The following EPRS1 variants were observed in gnomAD, a reference collection of about 807,000 sequenced individuals.
The protein encoded by EPRS1 is bifunctional glutamate/proline--tRNA ligase.
Under a neutral mutation model 188.3 loss-of-function variants are expected in EPRS1, and 107 were observed. The ratio of observed to expected loss-of-function variants is 0.57; its 90% CI spans 0.49 to 0.67. EPRS1 has a LOEUF of 0.67. Ranked by LOEUF, EPRS1 falls within the 30% of genes least tolerant of loss-of-function variation. The pLI is 0.00. For synonymous variants in EPRS1, 596 were observed against 593.1 expected, an observed-to-expected ratio of 1.00 and a Z score of -0.07; for missense variants, 1,577 against 1,802.2, an observed-to-expected ratio of 0.88 and a Z score of 2.26.
chr1:220,013,077 A>G (rs565692852), intron 12 of EPRS1, among the ~76,000 whole-genome samples: 7 of 152,228 alleles, frequency 4.6e-5, no homozygotes, highest in Admixed American at 2.6e-4. Flanking sequence ...AAAGCAGTCA[A>G]TAAGGGTTCA....
rs1488216709 is a variant in EPRS1 at position 220,030,451 on chromosome 1, T to C, written c.558A>G (p.Lys186=). The change falls in exon 6 of 32, where the codon AAA becomes AAG. Residue 186 remains lysine, a synonymous_variant. Coordinates refer to ENST00000366923, the MANE Select transcript of EPRS1 (RefSeq NM_004446.3). Reference sequence around the variant, plus strand: ...TCTCCGCACCTGGAAGCTCAACAAATTTCCCAACATCTTGCTTTTTCTCAG... The same window carrying C: ...TCTCCGCACCTGGAAGCTCAACAAACTTCCCAACATCTTGCTTTTTCTCAG... ...VAPEKKQDVG[K]FVELPGAEMG... is the part of the protein sequence containing the mutation. 11 of 1,614,090 alleles carry C rather than the reference T, an allele frequency of 6.8e-6. No individual in the cohort carries two copies. The highest frequency in any genetic ancestry group is 9.3e-6 in the Non-Finnish European group (11 of 1,179,986).
chr1:219,977,315 T>C lies in EPRS1; in HGVS notation c.4083+1231A>G, dbSNP rs1408689265. The stretch of plus-strand genomic sequence containing the variant: ...CTGAGGAATACAGACAACGAAGCTG[T>C]AGAAGACCCAACTCATACTAAGAAT... On this transcript the variant is annotated intron_variant, in intron 28 of 31. Coordinates refer to ENST00000366923, the MANE Select transcript of EPRS1 (RefSeq NM_004446.3). 4.6e-5 allele frequency among the ~76,000 whole-genome samples: 7 copies of C among 152,134 alleles called. No homozygotes were observed. The East Asian group carries it at 1.3e-3, about 29-fold the overall frequency.
intron 6 of EPRS1, 65 bp from the exon 7 acceptor site, chr1:220,025,323 C>CT: frequency 7.7e-7 from 1 of 1,300,454 alleles, no homozygotes; most frequent in South Asian, 1.5e-5. Context: ...TAAACTTAAC[C>CT]TTTTTGAGGA....
At chr1:220,020,824 T>TTATATATA (rs71169429) in intron 9 of EPRS1, among the ~76,000 whole-genome samples, 329 of 109,146 alleles carry the variant, frequency 3.0e-3, no homozygotes, top group Middle Eastern at 5.1e-3. Context: ...CAATTTGAAT[T>TTATATATA]TATATATATA....
At chr1:219,984,087 T>C (rs1373856364) in intron 21 of EPRS1, 119 bp downstream of exon 21, 8 of 708,918 alleles carry the variant, frequency 1.1e-5, no homozygotes, top group Non-Finnish European at 2.0e-5. Flanking sequence ...CACTGTGTAT[T>C]ATTAAAGGCA....
At chr1:219,995,801 G>A (rs574704636) in intron 18 of EPRS1, among the ~76,000 whole-genome samples, 259 of 152,270 alleles carry the variant, frequency 1.7e-3, no homozygotes, top group Middle Eastern at 0.017. Flanking sequence ...AGTATCTTAG[G>A]TGGCAGTGTT....
At chr1:220,014,604 G>A (rs1661665895) in intron 12 of EPRS1, among the ~76,000 whole-genome samples, 1 of 152,186 alleles carries the variant, frequency 6.6e-6, no homozygotes, top group Admixed American at 6.5e-5. Flanking sequence ...TCCAAAGCCT[G>A]GCAGCCAGGT....
At chr1:219,998,160 T>C (rs941015331) in intron 17 of EPRS1, among the ~76,000 whole-genome samples, 6 of 152,188 alleles carry the variant, frequency 3.9e-5, no homozygotes, top group South Asian at 2.1e-4. Context: ...TGCCACTTAA[T>C]TTTTCAGAAT....
At chr1:219,973,851 CATTATG>C (rs542912519) in intron 28 of EPRS1, among the ~76,000 whole-genome samples, 40 of 152,124 alleles carry the variant, frequency 2.6e-4, no homozygotes, top group Non-Finnish European at 5.1e-4. Context: ...CTTTAGCATG[CATTATG>C]ATTATAAGGA....
rs748344428 is a variant in EPRS1 at position 219,979,622 on chromosome 1, TAGAG to T, written c.3712-11_3712-8del. 6.0e-5 allele frequency: 95 copies of T among 1,594,222 alleles called. 1 individual carries two copies. The highest frequency in any genetic ancestry group is 1.3e-4 in the South Asian group (12 of 90,514). On this transcript the variant is annotated splice_polypyrimidine_tract_variant and splice_region_variant and intron_variant, in intron 26 of 31. Transcript: ENST00000366923. ...AATGATGTGATGTTCCTCCCTAAAA[TAGAG>T]AGAGAAAAATAAGCTTCATTTTTAA... is the stretch of plus-strand genomic sequence containing the variant.
rs5030751 is a variant in EPRS1, at chr1:219,988,687, G to T, written c.2678C>A (p.Pro893His). Residue 893 changes from proline (P) to histidine (H), a missense_variant, in exon 19 of 32, where the codon CCT (proline) becomes CAT (histidine). Transcript: ENST00000366923. ...SDSSPTRNSE[P>H]AGLETPEAKV... ...CGCTTCTGGTGTTTCTAAACCAGCA[G>T]GTTCAGAATTTCTGGTTGGGCTTGA... 11,564 of 1,613,890 alleles carry T rather than the reference G, an allele frequency of 7.2e-3. 633 individuals carry two copies. The African/African-American group carries it at 0.13, about 18-fold the overall frequency.
intron 16 of EPRS1, among the ~76,000 whole-genome samples, chr1:220,003,190 T>C (rs749299669): frequency 9.9e-5 from 15 of 152,240 alleles, no homozygotes; most frequent in Non-Finnish European, 2.2e-4. Context: ...TGATATTTCA[T>C]TGTCATTTTC....
At chr1:220,043,101 G>A (rs1047323176) in intron 1 of EPRS1, among the ~76,000 whole-genome samples, 3 of 152,144 alleles carry the variant, frequency 2.0e-5, no homozygotes, top group Non-Finnish European at 4.4e-5. Context: ...AAAAGAAGAT[G>A]AGTCGCTATT....
intron 13 of EPRS1, among the ~76,000 whole-genome samples, chr1:220,010,190 T>C (rs957447230): frequency 3.3e-5 from 5 of 151,738 alleles, no homozygotes; most frequent in African/African-American, 1.2e-4. Context: ...GACTCTGAAG[T>C]CAAGCTGTGA....
chr1:220,016,306 T>C (rs1264048088), intron 12 of EPRS1, among the ~76,000 whole-genome samples: 2 of 146,758 alleles, frequency 1.4e-5, no homozygotes, highest in East Asian at 4.0e-4. Context: ...ATTGTGCCAT[T>C]GCACTCCAGC....
In EPRS1 at chr1:220,022,352, T is replaced by C. The variant is rs750849753; in HGVS notation, c.1110A>G (p.Lys370=). 1 of 1,612,700 alleles carries C rather than the reference T, an allele frequency of 6.2e-7. No individual in the cohort carries two copies. The highest frequency in any genetic ancestry group is 8.5e-7 in the Non-Finnish European group (1 of 1,179,342). Residue 370 remains lysine (K), a synonymous_variant, in exon 9 of 32, where the codon AAA becomes AAG. Coordinates refer to ENST00000366923, the MANE Select transcript of EPRS1 (RefSeq NM_004446.3). ...KIQPHPRTGN[K]YNVYPTYDFA... is the part of the protein sequence containing the mutation. ...ATTGAAGGAGATATACTTACTTGTA[T>C]TTATTTCCAGTTCTTGGATGTGGTT...
chr1:219,970,777 CAAA>C (rs35656997), intron 30 of EPRS1, among the ~76,000 whole-genome samples: 3 of 131,354 alleles, frequency 2.3e-5, no homozygotes, highest in Non-Finnish European at 3.2e-5. Context: ...GACCCTGTAC[CAAA>C]AAAAAAAAAA....
intron 1 of EPRS1, among the ~76,000 whole-genome samples, chr1:220,043,393 A>C (rs1438919224): frequency 6.6e-6 from 1 of 152,202 alleles, no homozygotes; most frequent in Non-Finnish European, 1.5e-5. Context: ...AAATGGGAAA[A>C]AGAGAAAGCT....
At chr1:219,989,004 T>C (rs1661068190) in intron 18 of EPRS1, among the ~76,000 whole-genome samples, 181 bp from the exon 19 acceptor site, 1 of 152,260 alleles carries the variant, frequency 6.6e-6, no homozygotes, top group South Asian at 2.1e-4. Context: ...AAATTATATA[T>C]AAGCTGAATA....
Sources: gnomAD v4.1 joint callset for allele counts (sites outside exome capture counted in the v4.1 genomes callset) on GRCh38, gnomAD v4.1.1 for gene constraint, MANE v1.5 for transcripts, NCBI Gene and HGNC (gene_info 2026-07-23, HGNC 2026-07-21) for gene names.